HIPK4: variants seen among roughly 807,000 people sequenced by gnomAD.
HIPK4 encodes homeodomain-interacting protein kinase 4.
In HIPK4, 26 loss-of-function variants were observed where a neutral mutation model predicts 44.8. The observed-to-expected ratio is 0.58, with a 90% confidence interval of 0.43 to 0.80. The LOEUF is 0.80. Among genes scored for constraint, HIPK4 ranks in the 30% least tolerant of loss-of-function variants. The pLI, the probability that HIPK4 is intolerant of heterozygous loss-of-function variation, is 0.00. For synonymous variants in HIPK4, 340 were observed against 355.5 expected (o/e 0.96, Z 0.49); for missense variants, 729 against 862.6 (o/e 0.85, Z 1.94).
At chr19:40,384,424 C>T (rs889794383) in intron 1 of HIPK4, among the ~76,000 whole-genome samples, 1 of 152,150 alleles carries the variant, frequency 6.6e-6, no homozygotes, top group Non-Finnish European at 1.5e-5. Context: ...CTGCCTTAGC[C>T]TCCTGAGTAG....
At chr19:40,385,104 C>T (rs1390149559) in intron 1 of HIPK4, among the ~76,000 whole-genome samples, 1 of 152,208 alleles carries the variant, frequency 6.6e-6, no homozygotes, top group Non-Finnish European at 1.5e-5. Context: ...ATGCCATCCA[C>T]AGCCCCGACC....
At position 40,380,458 on chromosome 19, in the gene HIPK4, C is replaced by T. The variant is rs368520128; in HGVS notation, c.1533G>A (p.Ser511=). ...FSNLIRLSQV[S]PEDDRPCRGS... Reference sequence around the variant, plus strand: ...CCCGGCAGGGCCTGTCATCCTCAGGCGAGACCTGGCTCAGCCGAATGAGGT... The same window carrying T: ...CCCGGCAGGGCCTGTCATCCTCAGGTGAGACCTGGCTCAGCCGAATGAGGT... The change falls in exon 3 of 4, where the codon TCG becomes TCA. Residue 511 remains serine (S), a synonymous_variant. Coordinates refer to ENST00000291823, the MANE Select transcript of HIPK4 (RefSeq NM_144685.5). This position sits in a 1 kb window ranked among gnomAD's most constrained non-coding sequence, Gnocchi z 4.2. The T allele has an allele frequency of 4.8e-5, 77 of 1,613,696 alleles. No homozygotes were observed. Among genetic ancestry groups the T allele is most frequent in the Non-Finnish European group, 6.2e-5 (73 of 1,180,038 alleles).
chr19:40,388,017 T>TTG (rs1258343900), intron 1 of HIPK4, among the ~76,000 whole-genome samples: 1 of 147,234 alleles, frequency 6.8e-6, no homozygotes, highest in African/African-American at 2.5e-5. Context: ...AGTTTAGTTT[T>TTG]TTTTTTTTTT....
Position 40,379,427 on chromosome 19 carries a change from G to C in HIPK4, c.*160C>G. The C allele has an allele frequency of 1.5e-6, 1 of 653,298 alleles. No homozygotes were observed. Among genetic ancestry groups the C allele is most frequent in the Non-Finnish European group, 2.5e-6 (1 of 397,906 alleles). The allele number at this position is 653,298 out of a possible 1,614,324, so 40.5% of individuals were successfully genotyped here. On this transcript the variant is annotated 3_prime_UTR_variant, in exon 4 of 4. Coordinates refer to ENST00000291823, the MANE Select transcript of HIPK4 (RefSeq NM_144685.5). ...GTGTTTAGGAGAGGTGTGCAGGCACGCACCGCACCGCAGACGGGGAATGAG... is the reference window on the plus strand; with the variant it reads ...GTGTTTAGGAGAGGTGTGCAGGCACCCACCGCACCGCAGACGGGGAATGAG...
rs2079352460 is a variant in HIPK4 at position 40,384,203 on chromosome 19, AC to A, written c.466-65del. On this transcript the variant is annotated intron_variant, in intron 1 of 3. Coordinates refer to ENST00000291823, the MANE Select transcript of HIPK4 (RefSeq NM_144685.5). ...GCAGCAGGGACAGCCGAGCTGGGCC[AC>A]CCCGGCATCTTTCACCTGGCATCTT... 7 of 1,317,138 alleles carry A rather than the reference AC, an allele frequency of 5.3e-6. No homozygotes were observed. The Admixed American group carries it at 6.7e-5, about 13-fold the overall frequency. The allele number at this position is 1,317,138 out of a possible 1,614,324, so 81.6% of individuals were successfully genotyped here.
chr19:40,380,796 TCTC>T lies in HIPK4; in HGVS notation c.1192_1194del (p.Glu398del), dbSNP rs762487314. ...ACACTGCCCATACCCGCAGCCTCCT[TCTC>T]CTCAGCCAGACAGTAGTAGGGGGTC... On this transcript the variant is annotated inframe_deletion, in exon 3 of 4. Transcript: ENST00000291823. The surrounding 1 kb of genome is among the most constrained non-coding windows in gnomAD (Gnocchi z 4.2). 24 of 1,613,946 alleles carry T rather than the reference TCTC, an allele frequency of 1.5e-5. No individual in the cohort carries two copies. The highest frequency in any genetic ancestry group is 6.7e-5 in the Admixed American group (4 of 60,008).
intron 2 of HIPK4, among the ~76,000 whole-genome samples, chr19:40,382,352 C>G (rs2079341286): frequency 6.6e-6 from 1 of 152,154 alleles, no homozygotes; most frequent in African/African-American, 2.4e-5. Flanking sequence ...GCCTTGGCCC[C>G]CACCAAAGTG....
chr19:40,389,587 C>T lies in HIPK4; in HGVS notation c.316G>A (p.Ala106Thr), dbSNP rs34434715. The change falls in exon 1 of 4, where the codon GCG (alanine) becomes ACG (threonine). Residue 106 changes from alanine to threonine, a missense_variant. Physicochemically the swap from Ala to Thr is moderately conservative, Grantham distance 58. Coordinates refer to ENST00000291823, the MANE Select transcript of HIPK4 (RefSeq NM_144685.5). This position sits in a 1 kb window ranked among gnomAD's most constrained non-coding sequence, Gnocchi z 4.6. The stretch of plus-strand genomic sequence containing the variant: ...CGGATGTGGCGGGCGGGGAGGGGCG[C>T]GAAGTTGTTCTCCTTCTGGAACTCG... ...LFEFQKENNF[A>T]PLPARHIRTV... 38 of 1,613,792 alleles carry T rather than the reference C, an allele frequency of 2.4e-5. No homozygotes were observed. Among genetic ancestry groups the T allele is most frequent in the Non-Finnish European group, 2.8e-5 (33 of 1,179,974 alleles).
intron 1 of HIPK4, among the ~76,000 whole-genome samples, chr19:40,385,555 G>A (rs2079358587): frequency 6.6e-6 from 1 of 151,818 alleles, no homozygotes. Context: ...AAAGGTGAAA[G>A]GCAGGACAAA....
intron 1 of HIPK4, among the ~76,000 whole-genome samples, chr19:40,384,612 GTTTTT>G (rs71171565): frequency 8.4e-6 from 1 of 119,122 alleles, no homozygotes; most frequent in Non-Finnish European, 1.8e-5. Context: ...GCCTTTGTTG[GTTTTT>G]TTTTTTTTTT....
Position 40,388,206 on chromosome 19 carries a change from C to T in HIPK4, c.465+1232G>A, listed in dbSNP as rs542674551. On this transcript the variant is annotated intron_variant, in intron 1 of 3. Transcript: ENST00000291823. Reference sequence around the variant, plus strand: ...CTAATTTTTATACTTTTAGCAGAGACGAGGTTTCACCATATTGGTCAGGCT... The same window carrying T: ...CTAATTTTTATACTTTTAGCAGAGATGAGGTTTCACCATATTGGTCAGGCT... 3.8e-4 allele frequency among the ~76,000 whole-genome samples: 58 copies of T among 151,998 alleles called. 1 individual carries two copies. The highest frequency in any genetic ancestry group is 1.4e-3 in the Admixed American group (21 of 15,250).
chr19:40,387,436 C>T (rs1270930793), intron 1 of HIPK4, among the ~76,000 whole-genome samples: 1 of 152,194 alleles, frequency 6.6e-6, no homozygotes, highest in Non-Finnish European at 1.5e-5. Context: ...AGCTGTCTGC[C>T]ATTTTCACCC....
chr19:40,387,533 C>T lies in HIPK4; in HGVS notation c.465+1905G>A, dbSNP rs769252729. 7.2e-5 allele frequency among the ~76,000 whole-genome samples: 11 copies of T among 151,826 alleles called. 1 individual carries two copies. The highest frequency in any genetic ancestry group is 1.9e-4 in the East Asian group (1 of 5,164). ...CTCTTTTGTCCAAGCTGGAGTGCAG[C>T]GGCATGATCTCGGCTCACTGCAACC... On this transcript the variant is annotated intron_variant, in intron 1 of 3. Transcript: ENST00000291823.
At chr19:40,387,271 A>G (rs189844038) in intron 1 of HIPK4, among the ~76,000 whole-genome samples, 28 of 149,720 alleles carry the variant, frequency 1.9e-4, no homozygotes, top group Non-Finnish European at 3.0e-5. Flanking sequence ...CTAGGAAGAC[A>G]CCTCCCTGAA....
At chr19:40,385,245 T>C (rs753781828) in intron 1 of HIPK4, among the ~76,000 whole-genome samples, 2 of 152,150 alleles carry the variant, frequency 1.3e-5, no homozygotes, top group Non-Finnish European at 2.9e-5. Context: ...CCGCCCGGGA[T>C]AGATTGGGTC....
At chr19:40,384,448 C>G (rs1486213542) in intron 1 of HIPK4, among the ~76,000 whole-genome samples, 1 of 152,032 alleles carries the variant, frequency 6.6e-6, no homozygotes, top group Admixed American at 6.6e-5. Context: ...GGATTGCAGG[C>G]GCCCACCACC....
chr19:40,382,769 C>T (rs377153720), intron 2 of HIPK4, among the ~76,000 whole-genome samples: 1 of 151,572 alleles, frequency 6.6e-6, no homozygotes, highest in Non-Finnish European at 1.5e-5. Flanking sequence ...TTTTTTTGGC[C>T]GAGCGCGGTG....
At chr19:40,383,361 C>T (rs1450080561) in intron 2 of HIPK4, among the ~76,000 whole-genome samples, 3 of 151,966 alleles carry the variant, frequency 2.0e-5, no homozygotes, top group Admixed American at 1.3e-4. Context: ...GGATTACAGG[C>T]GTAAGCCACC....
chr19:40,387,742 G>T (rs571593414), intron 1 of HIPK4, among the ~76,000 whole-genome samples: 3 of 152,168 alleles, frequency 2.0e-5, no homozygotes, highest in African/African-American at 4.8e-5. Context: ...GCCTCCCAAA[G>T]TGCTGGGATT....
Sources: gnomAD v4.1 joint callset for allele counts (sites outside exome capture counted in the v4.1 genomes callset) on GRCh38, gnomAD v4.1.1 for gene constraint, Gnocchi (gnomAD v3.1) non-coding constraint, MANE v1.5 for transcripts, NCBI Gene and HGNC (gene_info 2026-07-23, HGNC 2026-07-21) for gene names.